Variants in GNA14 observed in about 807,000 individuals in gnomAD.
The protein encoded by GNA14 is guanine nucleotide-binding protein subunit alpha-14.
In GNA14, 50 loss-of-function variants were observed where a neutral mutation model predicts 42.0. That is an observed-to-expected ratio of 1.19 (90% confidence interval 0.95 to 1.51). GNA14 has a LOEUF of 1.51. Among genes scored for constraint, GNA14 ranks in the 40% most tolerant of loss-of-function variants. GNA14 has a pLI of 0.00. For synonymous variants in GNA14, 173 were observed against 163.1 expected, an observed-to-expected ratio of 1.06 and a Z score of -0.46; for missense variants, 473 against 446.2, an observed-to-expected ratio of 1.06 and a Z score of -0.54.
chr9:77,506,607 G>C (rs900474689), intron 2 of GNA14, among the ~76,000 whole-genome samples: 1 of 152,026 alleles, frequency 6.6e-6, no homozygotes, highest in Non-Finnish European at 1.5e-5. Context: ...AACCCAGGAG[G>C]CGGAGGTTGC....
At chr9:77,557,405 A>G (rs1478905066) in intron 1 of GNA14, among the ~76,000 whole-genome samples, 2 of 152,196 alleles carry the variant, frequency 1.3e-5, no homozygotes, top group African/African-American at 2.4e-5. Context: ...AAATCAGTGA[A>G]GACCACCTTG....
chr9:77,632,038 G>A (rs911331815), intron 1 of GNA14, among the ~76,000 whole-genome samples: 5 of 152,170 alleles, frequency 3.3e-5, no homozygotes, highest in Non-Finnish European at 7.4e-5. Context: ...GCTGGCCACC[G>A]CTGCAGCTGC....
rs187772618 is a variant in GNA14 at position 77,508,344 on chromosome 9, G to A, written c.309+20725C>T. On this transcript the variant is annotated intron_variant, in intron 2 of 6. Transcript: ENST00000341700. ...TTATTTAGTGAAGGACAGAACAAAT[G>A]AGCAAATATGTTGAGATGCTTGAGA... Among the ~76,000 whole-genome samples the A allele has an allele frequency of 2.0e-5, 3 of 152,316 alleles. No individual in the cohort carries two copies. The East Asian group carries it at 5.8e-4, about 29-fold the overall frequency.
intron 1 of GNA14, among the ~76,000 whole-genome samples, chr9:77,642,704 G>C (rs1020066848): frequency 6.6e-6 from 1 of 152,132 alleles, no homozygotes; most frequent in Non-Finnish European, 1.5e-5. Context: ...GGGAGGCAGA[G>C]GTTGCAGTGA....
intron 1 of GNA14, among the ~76,000 whole-genome samples, chr9:77,571,206 T>G (rs1823053478): frequency 6.6e-6 from 1 of 152,210 alleles, no homozygotes; most frequent in South Asian, 2.1e-4. Flanking sequence ...AATATGTACC[T>G]TCTATGAGTT....
At chr9:77,581,854 T>C (rs1318508717) in intron 1 of GNA14, among the ~76,000 whole-genome samples, 1 of 152,082 alleles carries the variant, frequency 6.6e-6, no homozygotes, top group Non-Finnish European at 1.5e-5. Context: ...CTTAAATAAA[T>C]ACAGGGAGGA....
At chr9:77,542,624 G>A (rs924533842) in intron 1 of GNA14, among the ~76,000 whole-genome samples, 3 of 152,130 alleles carry the variant, frequency 2.0e-5, no homozygotes, top group African/African-American at 7.2e-5. Context: ...GCAGTGATGG[G>A]GCAGCCCAGT....
intron 2 of GNA14, among the ~76,000 whole-genome samples, chr9:77,466,492 T>C (rs1587778845): frequency 6.6e-6 from 1 of 152,230 alleles, no homozygotes; most frequent in East Asian, 1.9e-4. Flanking sequence ...TATTCAGTCA[T>C]TGTTGTCATT....
chr9:77,514,770 C>T (rs1385903284), intron 2 of GNA14, among the ~76,000 whole-genome samples: 1 of 151,996 alleles, frequency 6.6e-6, no homozygotes, highest in Non-Finnish European at 1.5e-5. Flanking sequence ...TCTGCCACCA[C>T]GCCCGGCTAA....
intron 2 of GNA14, among the ~76,000 whole-genome samples, chr9:77,438,773 C>T (rs989507675): frequency 2.6e-5 from 4 of 152,048 alleles, no homozygotes; most frequent in African/African-American, 9.7e-5. Flanking sequence ...CCAACACACA[C>T]AGTTACATTT....
chr9:77,634,575 A>C lies in GNA14; in HGVS notation c.124+13095T>G, dbSNP rs1053203908. Reference sequence around the variant, plus strand: ...GAATACGAGAAGTATTATTTTCCAAATCTCATCTTATTCCTGGAATCCAGG... The same window carrying C: ...GAATACGAGAAGTATTATTTTCCAACTCTCATCTTATTCCTGGAATCCAGG... On this transcript the variant is annotated intron_variant, in intron 1 of 6. Coordinates refer to ENST00000341700, the MANE Select transcript of GNA14 (RefSeq NM_004297.4). Among the ~76,000 whole-genome samples the C allele has an allele frequency of 2.0e-5, 3 of 151,988 alleles. No homozygotes were observed. In the East Asian group the frequency reaches 5.8e-4, roughly 29 times the overall value.
chr9:77,589,691 A>G (rs1435640129), intron 1 of GNA14, among the ~76,000 whole-genome samples: 1 of 152,162 alleles, frequency 6.6e-6, no homozygotes, highest in Non-Finnish European at 1.5e-5. Flanking sequence ...CAGGTTGCCT[A>G]AAGCAACCAT....
At chr9:77,629,091 C>A (rs1407148887) in intron 1 of GNA14, among the ~76,000 whole-genome samples, 2 of 151,904 alleles carry the variant, frequency 1.3e-5, no homozygotes, top group Admixed American at 1.3e-4. Context: ...ACAGACACCT[C>A]TCAAGGTATT....
chr9:77,439,033 G>A (rs79826105), intron 2 of GNA14, among the ~76,000 whole-genome samples: 2,570 of 152,268 alleles, frequency 0.017, 68 homozygotes, highest in African/African-American at 0.057. Flanking sequence ...ATCACCTGTT[G>A]CATATAGTGA....
chr9:77,537,923 T>TA lies in GNA14; in HGVS notation c.125-8671dup, dbSNP rs1837616281. ...TTCTTAGCCCACTTTTTAATGGCAT[T>TA]ATTTAAGTTGTTGAGTTATTTGAGT... On this transcript the variant is annotated intron_variant, in intron 1 of 6. Coordinates refer to ENST00000341700, the MANE Select transcript of GNA14 (RefSeq NM_004297.4). Among the ~76,000 whole-genome samples, 3 of 152,322 alleles carry TA rather than the reference T, an allele frequency of 2.0e-5. No homozygotes were observed. In the South Asian group the frequency reaches 6.2e-4, roughly 32 times the overall value.
At chr9:77,529,983 T>G (rs1391788969) in intron 1 of GNA14, among the ~76,000 whole-genome samples, 2 of 152,238 alleles carry the variant, frequency 1.3e-5, no homozygotes, top group African/African-American at 4.8e-5. Context: ...ATTAAAATAT[T>G]TGCTAATATT....
intron 1 of GNA14, among the ~76,000 whole-genome samples, chr9:77,547,468 G>T (rs898564370): frequency 6.6e-6 from 1 of 152,148 alleles, no homozygotes; most frequent in Non-Finnish European, 1.5e-5. Context: ...CTTTGCTGTC[G>T]TAATAACGAA....
intron 1 of GNA14, among the ~76,000 whole-genome samples, chr9:77,618,151 A>C (rs1012254593): frequency 6.6e-6 from 1 of 152,096 alleles, no homozygotes; most frequent in South Asian, 2.1e-4. Flanking sequence ...AAAAAACAAC[A>C]ACAACAACAA....
intron 2 of GNA14, among the ~76,000 whole-genome samples, chr9:77,442,986 A>C (rs770165686): frequency 4.8e-4 from 73 of 152,228 alleles, no homozygotes; most frequent in Non-Finnish European, 9.7e-4. Flanking sequence ...CAAATGACAT[A>C]AAGATTTGGA....
Sources: gnomAD v4.1 joint callset for allele counts (sites outside exome capture counted in the v4.1 genomes callset) on GRCh38, gnomAD v4.1.1 for gene constraint, MANE v1.5 for transcripts, NCBI Gene and HGNC (gene_info 2026-07-23, HGNC 2026-07-21) for gene names.